SRRM2: variants seen among roughly 807,000 people sequenced by gnomAD.
SRRM2 encodes serine/arginine repetitive matrix protein 2.
A neutral mutation model predicts 213.8 loss-of-function variants in SRRM2; 30 were observed. That is an observed-to-expected ratio of 0.14 (90% CI 0.10 to 0.19). The LOEUF is 0.19. Ranked by LOEUF, SRRM2 falls within the 10% of genes least tolerant of loss-of-function variation. SRRM2 has a pLI of 1.00. For missense variants in SRRM2, 4,904 were observed against 3,647.0 expected (o/e 1.34, Z -8.88); for synonymous variants, 2,025 against 1,377.7 (o/e 1.47, Z -10.40).
At chr16:2,757,612 A>T in intron 3 of SRRM2, 33 bp downstream of exon 3, 2 of 1,596,522 alleles carry the variant, frequency 1.3e-6, no homozygotes, top group Non-Finnish European at 1.7e-6. Flanking sequence ...ATGACTCTGG[A>T]CTCTACTCTG....
chr16:2,765,234 C>G lies in SRRM2; in HGVS notation c.4706C>G (p.Thr1569Arg). The G allele has an allele frequency of 6.2e-7, 1 of 1,614,114 alleles. No homozygotes were observed. The highest frequency in any genetic ancestry group is 8.5e-7 in the Non-Finnish European group (1 of 1,179,968). The change falls in exon 11 of 15, where the codon ACA becomes AGA. Residue 1569 changes from threonine (T) to arginine (R), a missense_variant. Thr to Arg is a moderately conservative substitution (Grantham distance 71). Coordinates refer to ENST00000301740, the MANE Select transcript of SRRM2 (RefSeq NM_016333.4). ...SDSSPDSKAKTRTPLRQRSRS... is the reference protein window; with the variant it reads ...SDSSPDSKAKRRTPLRQRSRS... ...TCTTCTCCAGATTCTAAAGCCAAGACAAGAACCCCACTTCGGCAGAGGAGT... is the reference window on the plus strand; with the variant it reads ...TCTTCTCCAGATTCTAAAGCCAAGAGAAGAACCCCACTTCGGCAGAGGAGT...
At chr16:2,754,501 AGGCT>A (rs2068072621) in intron 1 of SRRM2, among the ~76,000 whole-genome samples, 2 of 152,112 alleles carry the variant, frequency 1.3e-5, no homozygotes, top group African/African-American at 2.4e-5. Context: ...CGTGTTGGCC[AGGCT>A]GGTGTCAATC....
chr16:2,762,592 G>A lies in SRRM2; in HGVS notation c.2064G>A (p.Arg688=), dbSNP rs751455855. ...GCTCACGCTCCAGAACACCAGCCAGGAGAGGGAGGTCTCGGTCTAGGACAC... is the reference window on the plus strand; with the variant it reads ...GCTCACGCTCCAGAACACCAGCCAGAAGAGGGAGGTCTCGGTCTAGGACAC... ...SGRSRSRTPA[R]RGRSRSRTPR... The change falls in exon 11 of 15, where the codon AGG becomes AGA. Residue 688 remains arginine (R), a synonymous_variant. Coordinates refer to ENST00000301740, the MANE Select transcript of SRRM2 (RefSeq NM_016333.4). 16 of 1,614,072 alleles carry A rather than the reference G, an allele frequency of 9.9e-6. No homozygotes were observed. Among genetic ancestry groups the A allele is most frequent in the Non-Finnish European group, 1.4e-5 (16 of 1,180,034 alleles).
chr16:2,757,195 T>A (rs1247884630), intron 2 of SRRM2, among the ~76,000 whole-genome samples: 2 of 152,170 alleles, frequency 1.3e-5, no homozygotes, highest in Admixed American at 6.5e-5. Context: ...ACATTCTTGT[T>A]GAAGTTGGGG....
At chr16:2,757,332 C>A in intron 2 of SRRM2, 140 bp from the exon 3 acceptor site, 1 of 644,426 alleles carries the variant, frequency 1.6e-6, no homozygotes, top group Non-Finnish European at 2.8e-6. Context: ...AAAGATCAGA[C>A]AGAAGGGACT....
intron 5 of SRRM2, chr16:2,758,776 A>G (rs2068237491): frequency 1.4e-6 from 1 of 692,796 alleles, no homozygotes; most frequent in Non-Finnish European, 2.4e-6. Flanking sequence ...TGGATTCTGG[A>G]ATTTTCTTTT....
chr16:2,754,568 G>A (rs1273570919), intron 1 of SRRM2, among the ~76,000 whole-genome samples: 1 of 152,176 alleles, frequency 6.6e-6, no homozygotes. Context: ...GGTGTTACAG[G>A]CGTGAGCCAC....
intron 7 of SRRM2, 44 bp from the exon 8 acceptor site, chr16:2,759,308 T>G (rs765849114): frequency 1.2e-6 from 2 of 1,610,142 alleles, no homozygotes; most frequent in Non-Finnish European, 1.7e-6. Flanking sequence ...TTTTATTTCC[T>G]TTTTTAAAGA....
chr16:2,757,665 C>G, intron 3 of SRRM2, 86 bp downstream of exon 3: 1 of 1,579,148 alleles, frequency 6.3e-7, no homozygotes, highest in South Asian at 1.1e-5. Context: ...CGTGGGACTT[C>G]CTCCCTGCTT....
At position 2,767,543 on chromosome 16, in the gene SRRM2, G is replaced by A. The variant is rs1409271832; in HGVS notation, c.7015G>A (p.Val2339Met). ...TPQAPASANL[V>M]GPRSAHATAP... Reference sequence around the variant, plus strand: ...ACAGGCTCCAGCCTCTGCAAACCTGGTGGGTCCTCGGTCTGCACATGCCAC... The same window carrying A: ...ACAGGCTCCAGCCTCTGCAAACCTGATGGGTCCTCGGTCTGCACATGCCAC... The change falls in exon 11 of 15, where the codon GTG becomes ATG. Residue 2339 changes from valine (V) to methionine (M), a missense_variant. Val to Met is a conservative substitution (Grantham distance 21). Transcript: ENST00000301740. The A allele has an allele frequency of 1.2e-6, 2 of 1,614,054 alleles. No homozygotes were observed. The highest frequency in any genetic ancestry group is 1.3e-5 in the African/African-American group (1 of 74,896).
chr16:2,762,117 G>T lies in SRRM2; in HGVS notation c.1589G>T (p.Arg530Leu). Residue 530 changes from arginine (R) to leucine (L), a missense_variant, in exon 11 of 15, where the codon CGA becomes CTA. Arg to Leu is a moderately radical substitution (Grantham distance 102, BLOSUM62 -2). Coordinates refer to ENST00000301740, the MANE Select transcript of SRRM2 (RefSeq NM_016333.4). ...TGGGGAAGATCTAGAAGCCCCCAGC[G>T]ACGTGGCCGCTCTAGGTCTCCTCAG... ...QRWGRSRSPQ[R>L]RGRSRSPQRP... 6 of 1,614,120 alleles carry T rather than the reference G, an allele frequency of 3.7e-6. No homozygotes were observed. The highest frequency in any genetic ancestry group is 5.1e-6 in the Non-Finnish European group (6 of 1,180,022).
At chr16:2,769,712 C>T (rs1321260595) in intron 12 of SRRM2, 10 of 479,054 alleles carry the variant, frequency 2.1e-5, no homozygotes, top group Non-Finnish European at 3.3e-5. Flanking sequence ...CTGGCTACTT[C>T]CCTCCACTCC....
At chr16:2,760,670 A>T in intron 10 of SRRM2, 171 bp downstream of exon 10, 1 of 688,910 alleles carries the variant, frequency 1.5e-6, no homozygotes, top group South Asian at 2.0e-5. Flanking sequence ...TAGTGTTGTT[A>T]CTAGACTGAA....
chr16:2,763,378 C>T lies in SRRM2; in HGVS notation c.2850C>T (p.Ser950=). 2 of 1,614,228 alleles carry T rather than the reference C, an allele frequency of 1.2e-6. No homozygotes were observed. Among genetic ancestry groups the T allele is most frequent in the South Asian group, 1.1e-5 (1 of 91,084 alleles). Residue 950 remains serine, a synonymous_variant, in exon 11 of 15, where the codon AGC becomes AGT. Transcript: ENST00000301740. ...RVTSRTTPRR[S]RSVSPCSNVE... is the part of the protein sequence containing the mutation. ...CGTCGAGAACAACTCCACGGCGAAGCAGATCAGTATCTCCCTGCTCCAATG... is the reference window on the plus strand; with the variant it reads ...CGTCGAGAACAACTCCACGGCGAAGTAGATCAGTATCTCCCTGCTCCAATG...
intron 1 of SRRM2, 80 bp from the exon 2 acceptor site, chr16:2,756,254 G>A: frequency 1.6e-6 from 2 of 1,279,210 alleles, no homozygotes; most frequent in East Asian, 2.5e-5. Context: ...GGATGAAGGA[G>A]AGCAGGGACT....
chr16:2,769,470 T>C lies in SRRM2; in HGVS notation c.8021+186T>C, dbSNP rs527641041. The C allele has an allele frequency of 6.7e-5, 47 of 697,246 alleles. No homozygotes were observed. In the African/African-American group the frequency reaches 7.4e-4, roughly 11 times the overall value. 43.2% of individuals were successfully genotyped at this position (697,246 alleles called of 1,614,324 possible). ...CCTGTTCTGGCGAAGGGCTGCGCCATCCACAGCGGCGCTCAGGCCAGGACC... is the reference window on the plus strand; with the variant it reads ...CCTGTTCTGGCGAAGGGCTGCGCCACCCACAGCGGCGCTCAGGCCAGGACC... On this transcript the variant is annotated intron_variant, in intron 12 of 14. Coordinates refer to ENST00000301740, the MANE Select transcript of SRRM2 (RefSeq NM_016333.4).
In SRRM2 at chr16:2,766,969, T is replaced by G; in HGVS notation, c.6441T>G (p.Ser2147=). The stretch of plus-strand genomic sequence containing the variant: ...TTGGCAGCTCTAGAACACCCATGTC[T>G]GTCCTGCAGCAAGCCGGCGGCTCCA... ...EPLGSSRTPM[S]VLQQAGGSMM... is the part of the protein sequence containing the mutation. The change falls in exon 11 of 15, where the codon TCT becomes TCG. Residue 2147 remains serine, a synonymous_variant. Transcript: ENST00000301740. This position sits in a 1 kb window ranked among gnomAD's most constrained non-coding sequence, Gnocchi z 7.0. 1 of 1,614,106 alleles carries G rather than the reference T, an allele frequency of 6.2e-7. No individual in the cohort carries two copies. Among genetic ancestry groups the G allele is most frequent in the South Asian group, 1.1e-5 (1 of 91,080 alleles).
chr16:2,768,122 A>G lies in SRRM2; in HGVS notation c.7594A>G (p.Ser2532Gly), dbSNP rs2068607292. Residue 2532 changes from serine (S) to glycine (G), a missense_variant, in exon 11 of 15, where the codon AGT (serine) becomes GGT (glycine). Transcript: ENST00000301740. ...AALQPAKERR[S>G]SSSSSSSSSS... Reference sequence around the variant, plus strand: ...CCTGCAGCCAGCAAAGGAGCGGCGGAGTTCCTCCTCGTCGTCGTCGTCCTC... The same window carrying G: ...CCTGCAGCCAGCAAAGGAGCGGCGGGGTTCCTCCTCGTCGTCGTCGTCCTC... 6 of 1,613,978 alleles carry G rather than the reference A, an allele frequency of 3.7e-6. No homozygotes were observed. Among genetic ancestry groups the G allele is most frequent in the Non-Finnish European group, 4.2e-6 (5 of 1,179,998 alleles).
chr16:2,768,944 A>G, intron 11 of SRRM2, 53 bp from the exon 12 acceptor site: 4 of 1,608,428 alleles, frequency 2.5e-6, no homozygotes, highest in Non-Finnish European at 3.4e-6. Flanking sequence ...CAAGGAAGGT[A>G]GGGTTGGGGC....
Sources: gnomAD v4.1 joint callset for allele counts (sites outside exome capture counted in the v4.1 genomes callset) on GRCh38, gnomAD v4.1.1 for gene constraint, Gnocchi (gnomAD v3.1) non-coding constraint, MANE v1.5 for transcripts, NCBI Gene and HGNC (gene_info 2026-07-23, HGNC 2026-07-21) for gene names.